CDK18: variants seen among roughly 807,000 people sequenced by gnomAD.
CDK18 encodes cyclin dependent kinase 18.
In CDK18, 52 loss-of-function variants were observed where a neutral mutation model predicts 62.0. That is an observed-to-expected ratio of 0.84 (90% CI 0.67 to 1.06). The LOEUF is 1.06. Among genes scored for constraint, CDK18 ranks in the 50% least tolerant of loss-of-function variants. The pLI is 0.00. For synonymous variants in CDK18, 237 were observed against 247.0 expected, an observed-to-expected ratio of 0.96 and a Z score of 0.38; for missense variants, 604 against 619.9, an observed-to-expected ratio of 0.97 and a Z score of 0.27.
intron 1 of CDK18, among the ~76,000 whole-genome samples, chr1:205,512,652 G>A (rs1042548533): frequency 6.6e-6 from 1 of 152,204 alleles, no homozygotes; most frequent in African/African-American, 2.4e-5. Flanking sequence ...CTGGTCAGAG[G>A]AGCCCAGTGG....
chr1:205,516,769 C>T lies in CDK18; in HGVS notation c.-21-6378C>T, dbSNP rs1226250264. On this transcript the variant is annotated intron_variant, in intron 1 of 15. Coordinates refer to ENST00000429964, the MANE Select transcript of CDK18 (RefSeq NM_212502.3). This position sits in a 1 kb window ranked among gnomAD's most constrained non-coding sequence, Gnocchi z 4.8. ...CAGGGGCAATGAAGAGGGGCAAAGC[C>T]AGAGACGAAGGGGCCCCAGATCTTG... 1 of 152,276 alleles carries T rather than the reference C, an allele frequency of 6.6e-6. No homozygotes were observed. Among genetic ancestry groups the T allele is most frequent in the Non-Finnish European group, 1.5e-5 (1 of 68,120 alleles). 9.4% of individuals were successfully genotyped at this position (152,276 alleles called of 1,614,324 possible). A position where few individuals can be genotyped will look rare whatever the true frequency, so the allele number is the denominator to read the frequency against.
At position 205,526,764 on chromosome 1, in the gene CDK18, C is replaced by G; in HGVS notation, c.667-11C>G. 6.2e-7 allele frequency: 1 copy of G among 1,606,670 alleles called. No individual in the cohort carries two copies. The highest frequency in any genetic ancestry group is 8.5e-7 in the Non-Finnish European group (1 of 1,174,382). ...GCGTGGGGCAGGACTGAGCCACGCT[C>G]TGTGTTCCAGGACAGTGACCTGAAG... is the stretch of plus-strand genomic sequence containing the variant. On this transcript the variant is annotated splice_polypyrimidine_tract_variant and intron_variant, in intron 7 of 15. Transcript: ENST00000429964.
At chr1:205,530,737 C>T (rs1668698138) in intron 15 of CDK18, 32 bp downstream of exon 15, 3 of 1,587,100 alleles carry the variant, frequency 1.9e-6, no homozygotes, top group African/African-American at 2.7e-5. Context: ...GACCCCTCCC[C>T]TTGTTAGTGG....
At chr1:205,509,873 A>C (rs1403812080) in intron 1 of CDK18, among the ~76,000 whole-genome samples, 6 of 152,272 alleles carry the variant, frequency 3.9e-5, no homozygotes, top group Non-Finnish European at 7.4e-5. Flanking sequence ...TGAGGTCAGG[A>C]GTTCAAGACC....
chr1:205,531,410 AGAGATCACATG>A lies in CDK18; in HGVS notation c.*36_*46del. On this transcript the variant is annotated 3_prime_UTR_variant, in exon 16 of 16. Coordinates refer to ENST00000429964, the MANE Select transcript of CDK18 (RefSeq NM_212502.3). ...CCCACCTTGCTGTGGCCAAGGGACA[AGAGATCACATG>A]GAGCACAAATTCGGGTAGGATGGAG... 1 of 1,606,112 alleles carries A rather than the reference AGAGATCACATG, an allele frequency of 6.2e-7. No homozygotes were observed. Among genetic ancestry groups the A allele is most frequent in the Non-Finnish European group, 8.5e-7 (1 of 1,172,612 alleles).
chr1:205,511,214 C>A (rs1667552841), intron 1 of CDK18, among the ~76,000 whole-genome samples: 1 of 152,136 alleles, frequency 6.6e-6, no homozygotes, highest in Non-Finnish European at 1.5e-5. Flanking sequence ...GTTTTGTGAC[C>A]CTTAAACATT....
chr1:205,531,361 C>A lies in CDK18; in HGVS notation c.1408C>A (p.Arg470=). 1 of 1,614,074 alleles carries A rather than the reference C, an allele frequency of 6.2e-7. No individual in the cohort carries two copies. Among genetic ancestry groups the A allele is most frequent in the Non-Finnish European group, 8.5e-7 (1 of 1,179,952 alleles). The change falls in exon 16 of 16, where the codon CGG becomes AGG. Residue 470 remains arginine, a synonymous_variant. Coordinates refer to ENST00000429964, the MANE Select transcript of CDK18 (RefSeq NM_212502.3). ...FQQPGRGKNR[R]QSIF ...TTCTCCAGGACGAGGGAAGAACAGG[C>A]GGCAGAGCATCTTCTGAGCCACGCC...
At position 205,527,131 on chromosome 1, in the gene CDK18, A is replaced by C; in HGVS notation, c.729+294A>C. ...ATGGGAGTGTGAGCTACCTGCCAAA[A>C]TGCAGGGAGGCTTCTGGGGAAGCTC... On this transcript the variant is annotated intron_variant, in intron 8 of 15. Transcript: ENST00000429964. The surrounding 1 kb of genome is among the most constrained non-coding windows in gnomAD (Gnocchi z 4.1). 2 of 410,992 alleles carry C rather than the reference A, an allele frequency of 4.9e-6. No individual in the cohort carries two copies. Among genetic ancestry groups the C allele is most frequent in the East Asian group, 4.2e-5 (1 of 23,660 alleles). The allele number at this position is 410,992 out of a possible 1,614,324, so 25.5% of individuals were successfully genotyped here.
At chr1:205,509,339 A>G (rs1461373897) in intron 1 of CDK18, among the ~76,000 whole-genome samples, 1 of 152,184 alleles carries the variant, frequency 6.6e-6, no homozygotes, top group African/African-American at 2.4e-5. Flanking sequence ...AGTCTTCCCT[A>G]GAAATGGTGG....
In CDK18 at chr1:205,528,722, C is replaced by A; in HGVS notation, c.975-277C>A. The stretch of plus-strand genomic sequence containing the variant: ...TGCTGAGAGAATTGCCACATGGGCG[C>A]TGGCTGCACAGACCCAAACCTCACA... On this transcript the variant is annotated intron_variant, in intron 10 of 15. Transcript: ENST00000429964. The surrounding 1 kb of genome is among the most constrained non-coding windows in gnomAD (Gnocchi z 4.2). 2.5e-6 allele frequency: 1 copy of A among 402,674 alleles called. No homozygotes were observed. The highest frequency in any genetic ancestry group is 4.4e-6 in the Non-Finnish European group (1 of 225,982). The allele number at this position is 402,674 out of a possible 1,614,324, so 24.9% of individuals were successfully genotyped here. A position where few individuals can be genotyped will look rare whatever the true frequency, so the allele number is the denominator to read the frequency against.
intron 1 of CDK18, among the ~76,000 whole-genome samples, chr1:205,520,878 C>A (rs1485116691): frequency 3.3e-5 from 5 of 152,120 alleles, no homozygotes; most frequent in African/African-American, 1.2e-4. Context: ...ATCTCTGTGG[C>A]CTGAATGCTA....
At chr1:205,510,758 C>A (rs1397590515) in intron 1 of CDK18, among the ~76,000 whole-genome samples, 1 of 152,254 alleles carries the variant, frequency 6.6e-6, no homozygotes, top group Non-Finnish European at 1.5e-5. Context: ...CTGAGTCTTG[C>A]CTTCTTTGCC....
In CDK18 at chr1:205,528,023, G is replaced by T; in HGVS notation, c.854-25G>T. On this transcript the variant is annotated intron_variant, in intron 9 of 15. Transcript: ENST00000429964. The surrounding 1 kb of genome is among the most constrained non-coding windows in gnomAD (Gnocchi z 4.2). ...CAACCCCACAGCACCTGTGGACAGA[G>T]GTCCAGTGACATGTCTGCCCCCAGG... is the stretch of plus-strand genomic sequence containing the variant. The T allele has an allele frequency of 6.2e-7, 1 of 1,614,044 alleles. No individual in the cohort carries two copies. The highest frequency in any genetic ancestry group is 8.5e-7 in the Non-Finnish European group (1 of 1,179,932).
intron 2 of CDK18, 62 bp downstream of exon 2, chr1:205,523,359 C>T (rs746862453): frequency 5.0e-6 from 8 of 1,608,452 alleles, no homozygotes; most frequent in East Asian, 2.2e-5. Context: ...AGTCACCTTC[C>T]CCTCCCCGCC....
chr1:205,531,504 C>A lies in CDK18; in HGVS notation c.*126C>A. On this transcript the variant is annotated 3_prime_UTR_variant, in exon 16 of 16. Coordinates refer to ENST00000429964, the MANE Select transcript of CDK18 (RefSeq NM_212502.3). ...GGCTGACAGCCAGCCTGGAAGACCG[C>A]TTGGCAGCCCTTCTGGCCACGGCTG... 1.2e-6 allele frequency: 1 copy of A among 833,250 alleles called. No individual in the cohort carries two copies. Among genetic ancestry groups the A allele is most frequent in the Non-Finnish European group, 2.0e-6 (1 of 492,124 alleles). The allele number at this position is 833,250 out of a possible 1,614,324, so 51.6% of individuals were successfully genotyped here.
intron 3 of CDK18, 101 bp downstream of exon 3, chr1:205,523,726 A>T: frequency 7.1e-7 from 1 of 1,404,178 alleles, no homozygotes; most frequent in Non-Finnish European, 9.6e-7. Flanking sequence ...GTGAGTTCAA[A>T]TTCCACCTCT....
intron 4 of CDK18, 58 bp downstream of exon 4, chr1:205,524,415 G>A: frequency 6.3e-7 from 1 of 1,599,776 alleles, no homozygotes; most frequent in Admixed American, 1.7e-5. Flanking sequence ...CCCCAGCATG[G>A]GCATATCAGT....
chr1:205,529,839 T>A (rs1668649268), intron 13 of CDK18: 6 of 1,344,830 alleles, frequency 4.5e-6, no homozygotes, highest in Non-Finnish European at 5.0e-6. Flanking sequence ...CAAAGTGGGA[T>A]TAATACCTAT....
rs558383020 is a variant in CDK18, at chr1:205,532,174, G to A, written c.*796G>A. ...GAATGGAGTTGCCTTAAATTGGCAG[G>A]TGGTACCGTACTCACTGCCCTTGGA... On this transcript the variant is annotated 3_prime_UTR_variant, in exon 16 of 16. Coordinates refer to ENST00000429964, the MANE Select transcript of CDK18 (RefSeq NM_212502.3). 2 of 152,808 alleles carry A rather than the reference G, an allele frequency of 1.3e-5. No homozygotes were observed. Among genetic ancestry groups the A allele is most frequent in the African/African-American group, 2.4e-5 (1 of 41,556 alleles). The allele number at this position is 152,808 out of a possible 1,614,324, so 9.5% of individuals were successfully genotyped here. A position where few individuals can be genotyped will look rare whatever the true frequency, so the allele number is the denominator to read the frequency against.
Sources: allele counts gnomAD v4.1 joint callset (sites outside exome capture counted in the v4.1 genomes callset), GRCh38; gene constraint gnomAD v4.1.1; non-coding constraint Gnocchi (gnomAD v3.1); transcripts MANE v1.5; gene names NCBI Gene and HGNC (gene_info 2026-07-23, HGNC 2026-07-21).